DAGLB: variants seen among roughly 807,000 people sequenced by gnomAD.
The protein encoded by DAGLB is diacylglycerol lipase-beta.
DAGLB carries 66 observed loss-of-function variants against 72.1 expected under a neutral mutation model. That is an observed-to-expected ratio of 0.92 (90% CI 0.75 to 1.12). DAGLB has a LOEUF of 1.12. DAGLB is among the 50% of genes most tolerant of loss of function. The probability of loss-of-function intolerance (pLI) is 0.00; values close to 1 mark genes in which losing one functional copy is unlikely to be tolerated. For synonymous variants in DAGLB, 414 were observed against 359.5 expected (o/e 1.15, Z -1.71); for missense variants, 1,065 against 884.9 (o/e 1.20, Z -2.58).
intron 9 of DAGLB, among the ~76,000 whole-genome samples, chr7:6,420,382 G>T (rs1784072640): frequency 6.6e-6 from 1 of 151,702 alleles, no homozygotes; most frequent in Non-Finnish European, 1.5e-5. Flanking sequence ...AGAGGTTGCA[G>T]TGAGCTGAGA....
chr7:6,435,148 G>A, intron 3 of DAGLB, 128 bp from the exon 4 acceptor site: 1 of 1,383,748 alleles, frequency 7.2e-7, no homozygotes. Context: ...CGAGGAAGAT[G>A]CAGCTCTCCT....
intron 5 of DAGLB, among the ~76,000 whole-genome samples, chr7:6,431,544 G>A (rs1784489067): frequency 1.3e-5 from 2 of 152,206 alleles, no homozygotes; most frequent in South Asian, 2.1e-4. Context: ...GGCCAAGGCC[G>A]GCAAATCACT....
At chr7:6,419,224 G>A (rs1784028423) in intron 9 of DAGLB, among the ~76,000 whole-genome samples, 1 of 151,680 alleles carries the variant, frequency 6.6e-6, no homozygotes, top group Admixed American at 6.6e-5. Flanking sequence ...GTTTTACCGT[G>A]TTGGCCAGGC....
chr7:6,418,286 T>C (rs575940116), intron 9 of DAGLB, among the ~76,000 whole-genome samples: 53 of 152,232 alleles, frequency 3.5e-4, no homozygotes, highest in Admixed American at 1.3e-3. Flanking sequence ...GGAGGATCAC[T>C]TGAGCCCAGG....
chr7:6,421,700 G>A (rs1472061360), intron 9 of DAGLB, 27 bp downstream of exon 9: 1 of 1,583,396 alleles, frequency 6.3e-7, no homozygotes, highest in Non-Finnish European at 8.6e-7. Context: ...GCATTCACAG[G>A]CAAGACACAC....
intron 2 of DAGLB, among the ~76,000 whole-genome samples, chr7:6,437,350 G>T (rs1406059742): frequency 6.6e-6 from 1 of 152,054 alleles, no homozygotes; most frequent in Admixed American, 6.6e-5. Context: ...TATGTGCGTA[G>T]TTCTGTAATC....
intron 2 of DAGLB, among the ~76,000 whole-genome samples, chr7:6,436,775 T>G (rs1784672190): frequency 6.6e-6 from 1 of 152,080 alleles, no homozygotes; most frequent in Admixed American, 6.6e-5. Flanking sequence ...TAAAAACACT[T>G]CTGGGTTCTC....
chr7:6,419,809 A>G (rs1583285415), intron 9 of DAGLB, among the ~76,000 whole-genome samples: 2 of 152,312 alleles, frequency 1.3e-5, no homozygotes, highest in African/African-American at 2.4e-5. Flanking sequence ...TCACACAGTA[A>G]TGGGCAAACT....
chr7:6,429,273 T>C (rs1784405864), intron 6 of DAGLB, among the ~76,000 whole-genome samples: 1 of 151,830 alleles, frequency 6.6e-6, no homozygotes, highest in Non-Finnish European at 1.5e-5. Flanking sequence ...AAAACATAAA[T>C]CTAATCATGG....
intron 9 of DAGLB, among the ~76,000 whole-genome samples, chr7:6,417,978 C>T (rs993917811): frequency 3.3e-5 from 5 of 152,104 alleles, no homozygotes; most frequent in Non-Finnish European, 5.9e-5. Context: ...TCAAGCAATT[C>T]TCCTGCCTCA....
rs1283103668 is a variant in DAGLB at position 6,436,529 on chromosome 7, C to A, written c.252G>T (p.Thr84=). 2 of 1,613,692 alleles carry A rather than the reference C, an allele frequency of 1.2e-6. No homozygotes were observed. Among genetic ancestry groups the A allele is most frequent in the Admixed American group, 3.3e-5 (2 of 59,802 alleles). The change falls in exon 3 of 15, where the codon ACG becomes ACT. Residue 84 remains threonine, a synonymous_variant. Transcript: ENST00000297056. Reference sequence around the variant, plus strand: ...ACTTCCGCGGTCCAGGGTTACAAATCGTTCCTGAAATACAAAAAACGTTCC... The same window carrying A: ...ACTTCCGCGGTCCAGGGTTACAAATAGTTCCTGAAATACAAAAAACGTTCC... The part of the protein sequence containing the change: ...SAIMCVSMRG[T]ICNPGPRKSM...
At chr7:6,436,661 A>G (rs142391523) in intron 2 of DAGLB, 128 bp from the exon 3 acceptor site, 3 of 1,161,990 alleles carry the variant, frequency 2.6e-6, no homozygotes, top group African/African-American at 1.6e-5. Flanking sequence ...GACTTTTTCT[A>G]CTTATAATTG....
intron 6 of DAGLB, among the ~76,000 whole-genome samples, chr7:6,428,503 T>C (rs1459767819): frequency 1.3e-5 from 2 of 151,184 alleles, no homozygotes; most frequent in Non-Finnish European, 2.9e-5. Context: ...TTTTTTCTTT[T>C]TGAGACAGAA....
At chr7:6,442,266 G>A (rs372825099) in intron 2 of DAGLB, among the ~76,000 whole-genome samples, 2 of 152,136 alleles carry the variant, frequency 1.3e-5, no homozygotes, top group African/African-American at 4.8e-5. Context: ...CTGTGGGATA[G>A]ACAACCCAGA....
rs145993691 is a variant in DAGLB at position 6,409,890 on chromosome 7, C to T, written c.1966G>A (p.Ala656Thr). 1.0e-3 allele frequency: 1,659 copies of T among 1,614,122 alleles called. 19 individuals are homozygous for T. The African/African-American group carries it at 0.02, about 20-fold the overall frequency. The change falls in exon 15 of 15, where the codon GCG becomes ACG. Residue 656 changes from alanine (A) to threonine (T), a missense_variant. By Grantham distance (58) the Ala-to-Thr change is moderately conservative. Transcript: ENST00000297056. Reference sequence around the variant, plus strand: ...TGTGCTGGACAGGAGACGCAGGCCGCTCTGTCGGAGACCACGCTGTCCAAG... The same window carrying T: ...TGTGCTGGACAGGAGACGCAGGCCGTTCTGTCGGAGACCACGCTGTCCAAG... ...RALDSVVSDR[A>T]ACVSCPAQGV...
At position 6,410,228 on chromosome 7, in the gene DAGLB, G is replaced by C. The variant is rs139853315; in HGVS notation, c.1722C>G (p.Ser574Arg). 6 of 1,611,618 alleles carry C rather than the reference G, an allele frequency of 3.7e-6. No individual in the cohort carries two copies. In the African/African-American group the frequency reaches 4.0e-5, roughly 11 times the overall value. ...AGTCCAGTGGGGAGTCGCTGGAGAAGCTGTAGGCCGGGGACCAGCGCGTCA... is the reference window on the plus strand; with the variant it reads ...AGTCCAGTGGGGAGTCGCTGGAGAACCTGTAGGCCGGGGACCAGCGCGTCA... ...SLLTRWSPAYSFSSDSPLDSS... is the reference protein window; with the variant it reads ...SLLTRWSPAYRFSSDSPLDSS... The change falls in exon 14 of 15, where the codon AGC becomes AGG. Residue 574 changes from serine (S) to arginine (R), a missense_variant. Physicochemically the swap from Ser to Arg is moderately radical, Grantham distance 110. Transcript: ENST00000297056.
chr7:6,434,935 C>T lies in DAGLB; in HGVS notation c.505G>A (p.Gly169Ser), dbSNP rs764347543. 17 of 1,613,950 alleles carry T rather than the reference C, an allele frequency of 1.1e-5. No homozygotes were observed. The highest frequency in any genetic ancestry group is 1.4e-5 in the Non-Finnish European group (16 of 1,180,036). Reference protein sequence around the residue: ...GGKMAPYSSAGPSHLDSHDSS... With the variant: ...GGKMAPYSSASPSHLDSHDSS... Reference sequence around the variant, plus strand: ...TCATGACTATCCAGGTGGCTGGGGCCGGCAGAGGAATATGGAGCCATTTTC... The same window carrying T: ...TCATGACTATCCAGGTGGCTGGGGCTGGCAGAGGAATATGGAGCCATTTTC... The change falls in exon 4 of 15, where the codon GGC becomes AGC. Residue 169 changes from glycine (G) to serine (S), a missense_variant. Gly to Ser is a moderately conservative substitution (Grantham distance 56, BLOSUM62 0). Coordinates refer to ENST00000297056, the MANE Select transcript of DAGLB (RefSeq NM_139179.4).
chr7:6,429,706 G>A (rs112224495), intron 6 of DAGLB, among the ~76,000 whole-genome samples: 12,068 of 151,986 alleles, frequency 0.079, 1,119 homozygotes, highest in East Asian at 0.5. Context: ...TTCCAGACCA[G>A]CCTGGCCAAC....
chr7:6,426,043 A>G lies in DAGLB; in HGVS notation c.1001T>C (p.Leu334Pro). The change falls in exon 7 of 15, where the codon CTG becomes CCG. Residue 334 changes from leucine to proline, a missense_variant. Leu to Pro is a moderately conservative substitution (Grantham distance 98, BLOSUM62 -3). Coordinates refer to ENST00000297056, the MANE Select transcript of DAGLB (RefSeq NM_139179.4). ...DQLNCHFGSI[L>P]HTTGLQYRDF... ...CCTGTACTGCAGCCCTGTGGTGTGCAGGATGGAGCCGAAGTGACAGTTGAG... is the reference window on the plus strand; with the variant it reads ...CCTGTACTGCAGCCCTGTGGTGTGCGGGATGGAGCCGAAGTGACAGTTGAG... 1 of 1,614,120 alleles carries G rather than the reference A, an allele frequency of 6.2e-7. No individual in the cohort carries two copies. Among genetic ancestry groups the G allele is most frequent in the African/African-American group, 1.3e-5 (1 of 75,068 alleles).
Sources: gnomAD v4.1 joint callset for allele counts (sites outside exome capture counted in the v4.1 genomes callset) on GRCh38, gnomAD v4.1.1 for gene constraint, MANE v1.5 for transcripts, NCBI Gene and HGNC (gene_info 2026-07-23, HGNC 2026-07-21) for gene names.